TGM3: variants seen among roughly 807,000 people sequenced by gnomAD.
TGM3 encodes the protein transglutaminase 3, also known as protein-glutamine gamma-glutamyltransferase E.
Under a neutral mutation model 73.8 loss-of-function variants are expected in TGM3, and 52 were observed. That is an observed-to-expected ratio of 0.70 (90% CI 0.56 to 0.89). The LOEUF (loss-of-function observed/expected upper bound fraction) is 0.89, where lower values mean the gene tolerates loss of function less well. Ranked by LOEUF, TGM3 falls within the 40% of genes least tolerant of loss-of-function variation. The pLI is 0.00. For synonymous variants in TGM3, 372 were observed against 354.9 expected (o/e 1.05, Z -0.54); for missense variants, 928 against 909.9 (o/e 1.02, Z -0.26).
At chr20:2,329,304 T>C (rs915543272) in intron 9 of TGM3, among the ~76,000 whole-genome samples, 1 of 152,188 alleles carries the variant, frequency 6.6e-6, no homozygotes, top group African/African-American at 2.4e-5. Flanking sequence ...TGGCCGAGTT[T>C]ACAAAAAAGG....
At position 2,328,115 on chromosome 20, in the gene TGM3, T is replaced by A; in HGVS notation, c.1088-5T>A. On this transcript the variant is annotated splice_region_variant and splice_polypyrimidine_tract_variant and intron_variant, in intron 8 of 12. Coordinates refer to ENST00000381458, the MANE Select transcript of TGM3 (RefSeq NM_003245.4). The surrounding 1 kb of genome is among the most constrained non-coding windows in gnomAD (Gnocchi z 5.2). Reference sequence around the variant, plus strand: ...TATATCCAGCCTCTGCATCTTGGCCTCCAGGGGTGTTCCAGTGCGGCCCCG... The same window carrying A: ...TATATCCAGCCTCTGCATCTTGGCCACCAGGGGTGTTCCAGTGCGGCCCCG... 1 of 1,614,150 alleles carries A rather than the reference T, an allele frequency of 6.2e-7. No individual in the cohort carries two copies. Among genetic ancestry groups the A allele is most frequent in the South Asian group, 1.1e-5 (1 of 91,076 alleles).
chr20:2,307,178 G>T (rs1258892339), intron 1 of TGM3, among the ~76,000 whole-genome samples: 1 of 152,180 alleles, frequency 6.6e-6, no homozygotes, highest in East Asian at 1.9e-4. Flanking sequence ...TTGAATGAAT[G>T]AATTTTAGCA....
intron 7 of TGM3, among the ~76,000 whole-genome samples, chr20:2,318,768 A>C (rs577360199): frequency 6.6e-6 from 1 of 152,344 alleles, no homozygotes; most frequent in African/African-American, 2.4e-5. Flanking sequence ...TGTATTACTT[A>C]TCATTCCCAG....
At chr20:2,337,695 G>T in intron 11 of TGM3, among the ~76,000 whole-genome samples, 1 of 151,986 alleles carries the variant, frequency 6.6e-6, no homozygotes, top group African/African-American at 2.4e-5. Context: ...ACTCCAGCCT[G>T]GCTGACAGAG....
At chr20:2,320,673 C>T (rs1428761460) in intron 7 of TGM3, among the ~76,000 whole-genome samples, 1 of 152,082 alleles carries the variant, frequency 6.6e-6, no homozygotes, top group African/African-American at 2.4e-5. Flanking sequence ...CACGCAGTTC[C>T]GGAGTATTCA....
At chr20:2,316,439 T>G (rs1269223477) in intron 5 of TGM3, among the ~76,000 whole-genome samples, 18 of 7,926 alleles carry the variant, frequency 2.3e-3, no homozygotes, top group Non-Finnish European at 6.6e-3. Context: ...GTGGCACGCA[T>G]TAACACCAGT....
At chr20:2,316,985 C>T (rs1002729667) in intron 5 of TGM3, 83 bp from the exon 6 acceptor site, 1 of 1,520,038 alleles carries the variant, frequency 6.6e-7, no homozygotes. Context: ...CATCTCCCCA[C>T]CTTGTCCTCT....
Position 2,340,600 on chromosome 20 carries a change from C to G in TGM3, c.*19C>G. On this transcript the variant is annotated 3_prime_UTR_variant, in exon 13 of 13. Coordinates refer to ENST00000381458, the MANE Select transcript of TGM3 (RefSeq NM_003245.4). ...CGAATGAAGGGCGCTGGTGGCCTCC[C>G]GTACAAACTTGGACAACACGGAGCA... 2 of 1,614,126 alleles carry G rather than the reference C, an allele frequency of 1.2e-6. No homozygotes were observed. Among genetic ancestry groups the G allele is most frequent in the South Asian group, 1.1e-5 (1 of 91,084 alleles).
chr20:2,323,260 T>G lies in TGM3; in HGVS notation c.984-2589T>G, dbSNP rs142712690. ...CCCAAAGTCCATTGCGTCATTCTTATGCCTTTGCATTCTCATAGCTTAGCC... is the reference window on the plus strand; with the variant it reads ...CCCAAAGTCCATTGCGTCATTCTTAGGCCTTTGCATTCTCATAGCTTAGCC... On this transcript the variant is annotated intron_variant, in intron 7 of 12. Transcript: ENST00000381458. Among the ~76,000 whole-genome samples, 1,171 of 152,360 alleles carry G rather than the reference T, an allele frequency of 7.7e-3. 15 individuals carry two copies. Among genetic ancestry groups the G allele is most frequent in the African/African-American group, 0.025 (1,045 of 41,580 alleles).
At chr20:2,308,130 G>A (rs1488003099) in intron 1 of TGM3, among the ~76,000 whole-genome samples, 1 of 152,166 alleles carries the variant, frequency 6.6e-6, no homozygotes, top group Non-Finnish European at 1.5e-5. Context: ...GCTGAAGTGG[G>A]AGAATCCCTT....
intron 5 of TGM3, among the ~76,000 whole-genome samples, chr20:2,316,439 T>A (rs1269223477): frequency 1.3e-4 from 1 of 7,926 alleles, no homozygotes; most frequent in African/African-American, 2.3e-4. Context: ...GTGGCACGCA[T>A]TAACACCAGT....
At chr20:2,306,305 C>A (rs895285338) in intron 1 of TGM3, among the ~76,000 whole-genome samples, 2 of 151,974 alleles carry the variant, frequency 1.3e-5, no homozygotes, top group Non-Finnish European at 2.9e-5. Flanking sequence ...TGAGCTTTAT[C>A]TGGAAAAGGA....
chr20:2,335,901 A>T (rs1448715439), intron 11 of TGM3, among the ~76,000 whole-genome samples: 2 of 152,238 alleles, frequency 1.3e-5, no homozygotes, highest in Non-Finnish European at 1.5e-5. Flanking sequence ...AGAGAAGGGA[A>T]CAGCTGGCCA....
intron 1 of TGM3, among the ~76,000 whole-genome samples, chr20:2,302,656 A>G (rs960526829): frequency 1.9e-4 from 29 of 151,664 alleles, no homozygotes; most frequent in Non-Finnish European, 3.8e-4. Flanking sequence ...GCAGAATGGA[A>G]GAAGAGGAAG....
chr20:2,313,065 T>C (rs1177733573), intron 5 of TGM3, 39 bp downstream of exon 5: 5 of 1,613,108 alleles, frequency 3.1e-6, no homozygotes, highest in Admixed American at 3.3e-5. Flanking sequence ...GTTGTCATCA[T>C]ATATTGAACA....
At chr20:2,307,100 A>T (rs961180976) in intron 1 of TGM3, among the ~76,000 whole-genome samples, 1 of 152,132 alleles carries the variant, frequency 6.6e-6, no homozygotes, top group Non-Finnish European at 1.5e-5. Context: ...GTTTCCCTGA[A>T]TTTGTGCAAA....
intron 11 of TGM3, among the ~76,000 whole-genome samples, chr20:2,336,987 C>G (rs2084354330): frequency 6.6e-6 from 1 of 152,162 alleles, no homozygotes; most frequent in Non-Finnish European, 1.5e-5. Context: ...CCTTTTCCTT[C>G]AAGGCATTTG....
At chr20:2,305,409 AC>A (rs2084171703) in intron 1 of TGM3, among the ~76,000 whole-genome samples, 2 of 152,212 alleles carry the variant, frequency 1.3e-5, no homozygotes, top group African/African-American at 4.8e-5. Flanking sequence ...GAGATCAAAT[AC>A]GTGTTTCTCA....
chr20:2,324,251 G>T (rs1025941374), intron 7 of TGM3, among the ~76,000 whole-genome samples: 1 of 151,806 alleles, frequency 6.6e-6, no homozygotes, highest in South Asian at 2.1e-4. Context: ...TCTGCCCAAA[G>T]TTTATCTCTT....
Sources: allele counts gnomAD v4.1 joint callset (sites outside exome capture counted in the v4.1 genomes callset), GRCh38; gene constraint gnomAD v4.1.1; non-coding constraint Gnocchi (gnomAD v3.1); transcripts MANE v1.5; gene names NCBI Gene and HGNC (gene_info 2026-07-23, HGNC 2026-07-21).